NPAS3: variants seen among roughly 807,000 people sequenced by gnomAD.
NPAS3 encodes neuronal PAS domain-containing protein 3.
Under a neutral mutation model 73.1 loss-of-function variants are expected in NPAS3, and 14 were observed. The observed-to-expected ratio is 0.19, with a 90% CI of 0.13 to 0.30. The LOEUF is 0.30. NPAS3 is among the 10% of genes least tolerant of loss of function. The pLI is 1.00. For synonymous variants in NPAS3, 620 were observed against 541.5 expected, an observed-to-expected ratio of 1.14 and a Z score of -2.01; for missense variants, 1,096 against 1,250.0, an observed-to-expected ratio of 0.88 and a Z score of 1.86.
intron 4 of NPAS3, among the ~76,000 whole-genome samples, chr14:33,400,853 C>A (rs2138745013): frequency 6.6e-6 from 1 of 151,942 alleles, no homozygotes; most frequent in East Asian, 1.9e-4. Context: ...ATTATCCCAC[C>A]AAGTATTTCA....
At chr14:33,489,378 G>C (rs1412061656) in intron 4 of NPAS3, among the ~76,000 whole-genome samples, 2 of 152,056 alleles carry the variant, frequency 1.3e-5, no homozygotes, top group Non-Finnish European at 2.9e-5. Flanking sequence ...ATACAATCCT[G>C]TGGCTGAGAT....
intron 7 of NPAS3, among the ~76,000 whole-genome samples, chr14:33,766,422 C>T (rs1400042818): frequency 6.6e-6 from 1 of 152,150 alleles, no homozygotes; most frequent in Non-Finnish European, 1.5e-5. Context: ...ATCATGGAGT[C>T]CCTGATAATT....
chr14:33,095,637 A>C (rs183936951), intron 2 of NPAS3, among the ~76,000 whole-genome samples: 27 of 150,820 alleles, frequency 1.8e-4, no homozygotes, highest in African/African-American at 6.6e-4. Context: ...AGCCTTACAC[A>C]AAGGCGTGGG....
Position 33,386,016 on chromosome 14 carries a change from G to A in NPAS3, c.468+18748G>A, listed in dbSNP as rs2046760335. ...GTAGGAAGGAAGTTGTAGTGATGAG[G>A]AATGTATACGTACAGATAAGTGTGT... On this transcript the variant is annotated intron_variant, in intron 4 of 11. Coordinates refer to ENST00000356141, the Ensembl canonical transcript of NPAS3. Among the ~76,000 whole-genome samples, 3 of 152,154 alleles carry A rather than the reference G, an allele frequency of 2.0e-5. No individual in the cohort carries two copies. In the South Asian group the frequency reaches 6.2e-4, roughly 32 times the overall value.
chr14:33,719,392 C>A (rs1566463513), intron 6 of NPAS3, among the ~76,000 whole-genome samples: 1 of 152,162 alleles, frequency 6.6e-6, no homozygotes, highest in Non-Finnish European at 1.5e-5. Context: ...ATACCAACTA[C>A]AACCATGAAA....
chr14:33,110,554 G>C (rs540574945), intron 2 of NPAS3, among the ~76,000 whole-genome samples: 3 of 152,110 alleles, frequency 2.0e-5, no homozygotes, highest in Admixed American at 2.0e-4. Context: ...GTACCTTACA[G>C]TACTAATAAT....
At chr14:33,050,346 A>G (rs2040661226) in intron 1 of NPAS3, among the ~76,000 whole-genome samples, 1 of 152,190 alleles carries the variant, frequency 6.6e-6, no homozygotes, top group Non-Finnish European at 1.5e-5. Context: ...CTCATAACAA[A>G]TAGGAATCAT....
chr14:33,483,824 G>A (rs897435134), intron 4 of NPAS3, among the ~76,000 whole-genome samples: 15 of 152,116 alleles, frequency 9.9e-5, no homozygotes, highest in African/African-American at 2.9e-4. Context: ...GTCAGCCTAC[G>A]GCTGACCTTT....
chr14:33,021,541 A>G (rs2039596888), intron 1 of NPAS3, among the ~76,000 whole-genome samples: 1 of 152,168 alleles, frequency 6.6e-6, no homozygotes, highest in Admixed American at 6.5e-5. Flanking sequence ...TGGTTTTAGT[A>G]ACCAGAGATT....
chr14:33,751,625 A>AT (rs1352409164), intron 7 of NPAS3, among the ~76,000 whole-genome samples: 1 of 152,180 alleles, frequency 6.6e-6, no homozygotes, highest in African/African-American at 2.4e-5. Flanking sequence ...CAAAACCTAC[A>AT]TTTCAGGCGC....
Position 33,514,503 on chromosome 14 carries a change from C to T in NPAS3, c.469-45618C>T, listed in dbSNP as rs992392467. ...GTTGCTTCCCTTGGTGAATATTCTT[C>T]TCCTAAAAAGGCATAAGTAAGTTGA... On this transcript the variant is annotated intron_variant, in intron 4 of 11. Transcript: ENST00000356141. Among the ~76,000 whole-genome samples the T allele has an allele frequency of 3.9e-5, 6 of 151,954 alleles. No homozygotes were observed. The South Asian group carries it at 6.2e-4, about 16-fold the overall frequency.
chr14:33,222,096 A>G (rs2139715822), intron 3 of NPAS3, among the ~76,000 whole-genome samples: 1 of 152,258 alleles, frequency 6.6e-6, no homozygotes, highest in South Asian at 2.1e-4. Flanking sequence ...ACTTGAGGGG[A>G]ATTCCAACAA....
chr14:33,665,470 G>T (rs55931887), intron 5 of NPAS3, among the ~76,000 whole-genome samples: 4,862 of 152,074 alleles, frequency 0.032, 273 homozygotes, highest in African/African-American at 0.11. Context: ...AAACAAAACA[G>T]GATGACTTTG....
At chr14:33,289,472 T>A (rs548709664) in intron 3 of NPAS3, among the ~76,000 whole-genome samples, 3 of 152,076 alleles carry the variant, frequency 2.0e-5, no homozygotes, top group Non-Finnish European at 4.4e-5. Flanking sequence ...AAAACCTGAA[T>A]GATGGCTTTA....
At chr14:33,489,813 G>C (rs2051801048) in intron 4 of NPAS3, among the ~76,000 whole-genome samples, 2 of 152,086 alleles carry the variant, frequency 1.3e-5, no homozygotes. Context: ...GTACATGCTT[G>C]TTTTGTAATA....
chr14:32,934,818 G>A, upstream of NPAS3: 1 of 344,520 alleles, frequency 2.9e-6, no homozygotes, highest in African/African-American at 2.2e-5. This position sits in a 1 kb window ranked among gnomAD's most constrained non-coding sequence, Gnocchi z 4.1. Flanking sequence ...GCCCAGAGCC[G>A]CCGCGCCCGG....
chr14:33,384,679 G>A (rs569465299), intron 4 of NPAS3, among the ~76,000 whole-genome samples: 3 of 152,274 alleles, frequency 2.0e-5, no homozygotes, highest in South Asian at 2.1e-4. Flanking sequence ...GCAGTGGGCC[G>A]AGATCGCTCT....
At chr14:33,244,468 G>T (rs1381969671) in intron 3 of NPAS3, among the ~76,000 whole-genome samples, 1 of 151,748 alleles carries the variant, frequency 6.6e-6, no homozygotes, top group Non-Finnish European at 1.5e-5. Context: ...AACACTTGTG[G>T]CTTCTGCTAT....
At chr14:33,496,953 C>A (rs973577999) in intron 4 of NPAS3, among the ~76,000 whole-genome samples, 1 of 152,116 alleles carries the variant, frequency 6.6e-6, no homozygotes, top group Non-Finnish European at 1.5e-5. Flanking sequence ...AAAACCCCAT[C>A]ATCTCAGCCC....
Sources: allele counts gnomAD v4.1 joint callset (sites outside exome capture counted in the v4.1 genomes callset), GRCh38; gene constraint gnomAD v4.1.1; non-coding constraint Gnocchi (gnomAD v3.1); transcripts MANE v1.5; gene names NCBI Gene and HGNC (gene_info 2026-07-23, HGNC 2026-07-21).